OTOA: variants seen among roughly 807,000 people sequenced by gnomAD.
The protein encoded by OTOA is cancer/testis antigen 108.
OTOA carries 70 observed loss-of-function variants against 110.8 expected under a neutral mutation model. The ratio of observed to expected loss-of-function variants is 0.63; its 90% CI spans 0.52 to 0.77. The LOEUF is 0.77. Among genes scored for constraint, OTOA ranks in the 30% least tolerant of loss-of-function variants. The pLI, the probability that OTOA is intolerant of heterozygous loss-of-function variation, is 0.00. For synonymous variants in OTOA, 373 were observed against 431.5 expected (o/e 0.86, Z 1.68); for missense variants, 917 against 1,075.8 (o/e 0.85, Z 2.06).
chr16:21,706,396 A>G (rs1334778141), intron 12 of OTOA, among the ~76,000 whole-genome samples: 1 of 152,176 alleles, frequency 6.6e-6, no homozygotes, highest in Admixed American at 6.5e-5. Flanking sequence ...CTGCCTCTAG[A>G]TTAGTAACAT....
At chr16:21,676,834 A>T (rs569804441) in intron 1 of OTOA, among the ~76,000 whole-genome samples, 1 of 152,210 alleles carries the variant, frequency 6.6e-6, no homozygotes, top group East Asian at 1.9e-4. Context: ...GTGCTGTTGG[A>T]TGGAGACTCC....
Position 21,716,876 on chromosome 16 carries a change from A to G in OTOA, c.1489-31A>G. The G allele has an allele frequency of 1.9e-6, 3 of 1,613,112 alleles. No individual in the cohort carries two copies. In the South Asian group the frequency reaches 3.3e-5, roughly 18 times the overall value. ...CTCAAAGCTCAATGCATTTTTTACA[A>G]TGTTGTTTTGTTGCTTCTCGCTTCT... is the stretch of plus-strand genomic sequence containing the variant. On this transcript the variant is annotated intron_variant, in intron 14 of 28. Coordinates refer to ENST00000646100, the MANE Select transcript of OTOA (RefSeq NM_144672.4).
intron 9 of OTOA, among the ~76,000 whole-genome samples, chr16:21,696,294 A>T (rs1366840963): frequency 6.6e-6 from 1 of 151,994 alleles, no homozygotes; most frequent in Non-Finnish European, 1.5e-5. Context: ...CAGTGGAGGG[A>T]GAAAGTACTT....
chr16:21,697,358 A>T (rs1426163247), intron 9 of OTOA, among the ~76,000 whole-genome samples: 13 of 151,582 alleles, frequency 8.6e-5, no homozygotes, highest in Admixed American at 7.9e-4. Flanking sequence ...GTGGCTGGGC[A>T]TGGTGGCTCA....
Position 21,730,699 on chromosome 16 carries a change from T to G in OTOA, c.2208-138T>G. The G allele has an allele frequency of 4.3e-6, 3 of 691,988 alleles. No homozygotes were observed. The South Asian group carries it at 4.8e-5, about 11-fold the overall frequency. The allele number at this position is 691,988 out of a possible 1,614,324, so 42.9% of individuals were successfully genotyped here. A position where few individuals can be genotyped will look rare whatever the true frequency, so the allele number is the denominator to read the frequency against. The stretch of plus-strand genomic sequence containing the variant: ...AGCCTGCATCACATGCCAATTTTCT[T>G]GGTCAAGGAAGTGGGACCATGTGAT... On this transcript the variant is annotated intron_variant, in intron 20 of 28. Transcript: ENST00000646100.
chr16:21,695,390 C>T (rs1250354838), intron 9 of OTOA, among the ~76,000 whole-genome samples: 1 of 151,886 alleles, frequency 6.6e-6, no homozygotes, highest in Non-Finnish European at 1.5e-5. Flanking sequence ...AAAAAAATCC[C>T]AAGCTTGGGG....
intron 14 of OTOA, 92 bp downstream of exon 14, chr16:21,715,244 A>T: frequency 1.3e-6 from 2 of 1,551,500 alleles, no homozygotes; most frequent in Non-Finnish European, 1.8e-6. Flanking sequence ...CCATGAACCC[A>T]GGGCTGGGAT....
At chr16:21,715,251 G>C (rs972654037) in intron 14 of OTOA, 99 bp downstream of exon 14, 8 of 1,517,238 alleles carry the variant, frequency 5.3e-6, no homozygotes, top group African/African-American at 1.4e-5. Flanking sequence ...CCCAGGGCTG[G>C]GATTGTCTCA....
chr16:21,722,333 G>C (rs897043129), intron 17 of OTOA, among the ~76,000 whole-genome samples: 6 of 146,190 alleles, frequency 4.1e-5, no homozygotes, highest in African/African-American at 1.5e-4. Flanking sequence ...ATATAGCTAA[G>C]ATATATATAT....
At chr16:21,679,327 A>G in intron 5 of OTOA, 116 bp downstream of exon 5, 1 of 1,170,914 alleles carries the variant, frequency 8.5e-7, no homozygotes, top group Non-Finnish European at 1.2e-6. Flanking sequence ...ATGTCAATCA[A>G]TGCACAATGT....
At chr16:21,674,468 G>A (rs1294718460) in intron 1 of OTOA, among the ~76,000 whole-genome samples, 1 of 151,838 alleles carries the variant, frequency 6.6e-6, no homozygotes, top group African/African-American at 2.4e-5. Context: ...TGAGTAGCTG[G>A]GACTACAGGC....
intron 11 of OTOA, among the ~76,000 whole-genome samples, chr16:21,701,962 T>G (rs1322579491): frequency 9.3e-5 from 14 of 150,526 alleles, no homozygotes; most frequent in African/African-American, 3.4e-4. Context: ...TTTTTTTTTT[T>G]TTTTTTGAGA....
intron 12 of OTOA, among the ~76,000 whole-genome samples, chr16:21,707,857 C>T (rs921052985): frequency 6.9e-6 from 1 of 145,000 alleles, no homozygotes; most frequent in Non-Finnish European, 1.5e-5. Context: ...TGCGGTAGCA[C>T]GATCTTGGCT....
At chr16:21,719,030 C>T (rs1265645180) in intron 15 of OTOA, 103 bp from the exon 16 acceptor site, 2 of 1,152,868 alleles carry the variant, frequency 1.7e-6, no homozygotes, top group African/African-American at 3.0e-5. Context: ...TCCATTTCCC[C>T]ATCTGTAAAA....
intron 1 of OTOA, among the ~76,000 whole-genome samples, chr16:21,677,380 T>C (rs962459505): frequency 6.6e-6 from 1 of 152,160 alleles, no homozygotes; most frequent in African/African-American, 2.4e-5. Flanking sequence ...GTGGTCTCGT[T>C]GTGAGTTTAA....
chr16:21,697,197 G>A (rs1300604473), intron 9 of OTOA, among the ~76,000 whole-genome samples: 1 of 151,944 alleles, frequency 6.6e-6, no homozygotes, highest in Admixed American at 6.6e-5. Flanking sequence ...TTTCTAACAA[G>A]TGGCCAGGTG....
At chr16:21,722,543 TAATA>T (rs908524109) in intron 17 of OTOA, among the ~76,000 whole-genome samples, 5 of 151,910 alleles carry the variant, frequency 3.3e-5, no homozygotes, top group Admixed American at 3.3e-4. Flanking sequence ...CATTTAGTGT[TAATA>T]TATATATAAA....
chr16:21,707,675 GTCTC>G (rs1056641559), intron 12 of OTOA, among the ~76,000 whole-genome samples: 45 of 111,038 alleles, frequency 4.1e-4, no homozygotes, highest in East Asian at 3.9e-3. Flanking sequence ...TTCTCTTTCT[GTCTC>G]TCTCTTTCTT....
In OTOA at chr16:21,760,627, C is replaced by T. The variant is rs562190118; in HGVS notation, c.*87C>T. On this transcript the variant is annotated 3_prime_UTR_variant, in exon 29 of 29. Transcript: ENST00000646100. Reference sequence around the variant, plus strand: ...ATGCTCCAGATGGTGGGACACCCTTCCCTGGATCCAGACCCTCATCTAGGG... The same window carrying T: ...ATGCTCCAGATGGTGGGACACCCTTTCCTGGATCCAGACCCTCATCTAGGG... 8.2e-7 allele frequency: 1 copy of T among 1,219,958 alleles called. No individual in the cohort carries two copies. Among genetic ancestry groups the T allele is most frequent in the South Asian group, 1.2e-5 (1 of 81,478 alleles). The allele number at this position is 1,219,958 out of a possible 1,614,324, so 75.6% of individuals were successfully genotyped here. A position where few individuals can be genotyped will look rare whatever the true frequency, so the allele number is the denominator to read the frequency against.
Sources: allele counts gnomAD v4.1 joint callset (sites outside exome capture counted in the v4.1 genomes callset), GRCh38; gene constraint gnomAD v4.1.1; transcripts MANE v1.5; gene names NCBI Gene and HGNC (gene_info 2026-07-23, HGNC 2026-07-21).